NFIB: variants seen among roughly 807,000 people sequenced by gnomAD.
NFIB encodes nuclear factor 1 B-type.
NFIB carries 11 observed loss-of-function variants against 61.5 expected under a neutral mutation model. The observed-to-expected ratio is 0.18, with a 90% CI of 0.11 to 0.30. NFIB has a LOEUF of 0.30. Ranked by LOEUF, NFIB falls within the 10% of genes least tolerant of loss-of-function variation. NFIB has a pLI of 1.00. For missense variants in NFIB, 471 were observed against 608.9 expected (o/e 0.77, Z 2.38); for synonymous variants, 260 against 216.5 (o/e 1.20, Z -1.76).
chr9:14,395,726 CTTTTTTTTTT>C lies in NFIB; in HGVS notation c.108+2788_108+2797del, dbSNP rs35417792. On this transcript the variant is annotated intron_variant, in intron 1 of 8. Transcript: ENST00000380934. ...TCATCCCCCTCCCATATTCTTTTGA[CTTTTTTTTTT>C]TTTTTTTTTTTTTTTTTTGCCACCC... 8.5e-3 allele frequency among the ~76,000 whole-genome samples: 558 copies of C among 65,764 alleles called. 4 individuals carry two copies. Among genetic ancestry groups the C allele is most frequent in the African/African-American group, 0.028 (511 of 18,422 alleles). The allele number at this position is 65,764 out of a possible 152,430, so 43.1% of individuals were successfully genotyped here.
intron 6 of NFIB, among the ~76,000 whole-genome samples, chr9:14,135,786 T>A (rs986834411): frequency 3.3e-5 from 5 of 152,206 alleles, no homozygotes; most frequent in African/African-American, 4.8e-5. Context: ...CCATTTTTTT[T>A]AAATTTATGA....
At chr9:14,354,627 G>A (rs926854256) in intron 1 of NFIB, among the ~76,000 whole-genome samples, 2 of 152,168 alleles carry the variant, frequency 1.3e-5, no homozygotes, top group Admixed American at 6.5e-5. Flanking sequence ...TTTTAAGTGG[G>A]ATCAGCCCTG....
chr9:14,418,046 T>C, the NFIB span, among the ~76,000 whole-genome samples: 1 of 152,136 alleles, frequency 6.6e-6, no homozygotes, highest in African/African-American at 2.4e-5. Flanking sequence ...CCCAAAGTGT[T>C]GGGATTACAG....
At chr9:14,304,615 GT>G (rs1268200383) in intron 2 of NFIB, among the ~76,000 whole-genome samples, 1 of 152,158 alleles carries the variant, frequency 6.6e-6, no homozygotes, top group Non-Finnish European at 1.5e-5. Flanking sequence ...ACGTAATTTT[GT>G]TGCTCTTTCT....
intron 8 of NFIB, among the ~76,000 whole-genome samples, chr9:14,116,784 A>G (rs1402130217): frequency 6.6e-6 from 1 of 152,168 alleles, no homozygotes; most frequent in Non-Finnish European, 1.5e-5. Context: ...CACAATTTTC[A>G]CCTACATGAT....
the NFIB span, among the ~76,000 whole-genome samples, chr9:14,489,782 A>G: frequency 2.0e-5 from 3 of 151,978 alleles, no homozygotes; most frequent in Non-Finnish European, 2.9e-5. Context: ...CTATACACAT[A>G]TATTATTTTA....
the NFIB span, among the ~76,000 whole-genome samples, chr9:14,504,603 G>T: frequency 6.6e-6 from 1 of 152,086 alleles, no homozygotes; most frequent in East Asian, 1.9e-4. Context: ...ATTATTAAAG[G>T]GGTTAAGTTC....
At chr9:14,471,118 T>TA in the NFIB span, among the ~76,000 whole-genome samples, 1 of 152,224 alleles carries the variant, frequency 6.6e-6, no homozygotes, top group African/African-American at 2.4e-5. Context: ...AGGTTACTAT[T>TA]AAAAAATACT....
chr9:14,385,035 A>G (rs982154732), intron 1 of NFIB, among the ~76,000 whole-genome samples: 20 of 152,242 alleles, frequency 1.3e-4, no homozygotes, highest in African/African-American at 4.6e-4. Flanking sequence ...TGTATCAAAT[A>G]TGAGGCATTC....
At chr9:14,485,417 G>A in the NFIB span, among the ~76,000 whole-genome samples, 1 of 152,220 alleles carries the variant, frequency 6.6e-6, no homozygotes, top group Non-Finnish European at 1.5e-5. Flanking sequence ...ATGAAGGAAT[G>A]CAGCTCATAT....
chr9:14,245,379 G>A (rs913942585), intron 2 of NFIB, among the ~76,000 whole-genome samples: 2 of 151,834 alleles, frequency 1.3e-5, no homozygotes, highest in Non-Finnish European at 2.9e-5. Context: ...GTCTTAGCTT[G>A]GTTATGTTCA....
In NFIB at chr9:14,219,539, G is replaced by A. The variant is rs75302659; in HGVS notation, c.563-39759C>T. Among the ~76,000 whole-genome samples the A allele has an allele frequency of 4.8e-3, 736 of 152,136 alleles. 4 individuals are homozygous for A. The highest frequency in any genetic ancestry group is 8.6e-3 in the Non-Finnish European group (583 of 67,988). Reference sequence around the variant, plus strand: ...TCAAAATTACAACCGCATTACATTTGTTGCAAAAGAACAGATTCAAGCCAG... The same window carrying A: ...TCAAAATTACAACCGCATTACATTTATTGCAAAAGAACAGATTCAAGCCAG... On this transcript the variant is annotated intron_variant, in intron 2 of 10. Coordinates refer to ENST00000380953, the MANE Select transcript of NFIB (RefSeq NM_001190737.2).
chr9:14,454,108 C>T, the NFIB span, among the ~76,000 whole-genome samples: 1 of 152,192 alleles, frequency 6.6e-6, no homozygotes, highest in African/African-American at 2.4e-5. Flanking sequence ...TTTGTACAAA[C>T]ATATAGGTAG....
At chr9:14,444,992 C>A in the NFIB span, among the ~76,000 whole-genome samples, 4 of 124,622 alleles carry the variant, frequency 3.2e-5, no homozygotes, top group Non-Finnish European at 7.5e-5. Context: ...ATAAATGGAA[C>A]AATACAGTAT....
chr9:14,510,192 G>A, the NFIB span, among the ~76,000 whole-genome samples: 2 of 152,176 alleles, frequency 1.3e-5, no homozygotes, highest in East Asian at 1.9e-4. Flanking sequence ...CACCGTGCCC[G>A]GCCTTGAAGA....
the NFIB span, among the ~76,000 whole-genome samples, chr9:14,451,886 T>C: frequency 4.6e-5 from 7 of 152,082 alleles, no homozygotes; most frequent in African/African-American, 1.7e-4. Flanking sequence ...TTTTTTTTTT[T>C]GCAAGTTCTG....
intron 2 of NFIB, among the ~76,000 whole-genome samples, chr9:14,181,671 A>T (rs1276913726): frequency 6.6e-6 from 1 of 152,210 alleles, no homozygotes; most frequent in Non-Finnish European, 1.5e-5. Flanking sequence ...CAGCATTGAT[A>T]TTACATTCCA....
chr9:14,282,731 T>C (rs1269920043), intron 2 of NFIB, among the ~76,000 whole-genome samples: 1 of 152,218 alleles, frequency 6.6e-6, no homozygotes. Context: ...GGAGGGCGAC[T>C]TTCCCAAAGC....
At chr9:14,411,378 G>A in the NFIB span, among the ~76,000 whole-genome samples, 3 of 152,126 alleles carry the variant, frequency 2.0e-5, no homozygotes, top group Non-Finnish European at 2.9e-5. Context: ...GGTCTTAGTC[G>A]AGTTCAGATA....
Sources: allele counts gnomAD v4.1 joint callset (sites outside exome capture counted in the v4.1 genomes callset), GRCh38; gene constraint gnomAD v4.1.1; transcripts MANE v1.5; gene names NCBI Gene and HGNC (gene_info 2026-07-23, HGNC 2026-07-21).